CHST11: variants seen among roughly 807,000 people sequenced by gnomAD.
The protein encoded by CHST11 is C4S-1.
CHST11 carries 9 observed loss-of-function variants against 30.4 expected under a neutral mutation model. The observed-to-expected ratio is 0.30, with a 90% CI of 0.18 to 0.52. The LOEUF (loss-of-function observed/expected upper bound fraction) is 0.52, where lower values mean the gene tolerates loss of function less well. Among genes scored for constraint, CHST11 ranks in the 20% least tolerant of loss-of-function variants. The probability of loss-of-function intolerance (pLI) is 0.97; values close to 1 mark genes in which losing one functional copy is unlikely to be tolerated. For missense variants in CHST11, 348 were observed against 460.6 expected, an observed-to-expected ratio of 0.76 and a Z score of 2.24; for synonymous variants, 152 against 187.8, an observed-to-expected ratio of 0.81 and a Z score of 1.56.
intron 1 of CHST11, among the ~76,000 whole-genome samples, chr12:104,598,806 G>A (rs1352520133): frequency 2.6e-5 from 4 of 151,026 alleles, no homozygotes; most frequent in Non-Finnish European, 5.9e-5. Context: ...GAGAGATAAA[G>A]TGCTGGCCCA....
chr12:104,491,611 GGTT>G (rs1164314382), intron 1 of CHST11, among the ~76,000 whole-genome samples: 1 of 151,940 alleles, frequency 6.6e-6, no homozygotes, highest in Non-Finnish European at 1.5e-5. Flanking sequence ...TAGGACTACA[GGTT>G]TGTGCCACCA....
At chr12:104,697,163 G>T (rs112463110) in intron 2 of CHST11, among the ~76,000 whole-genome samples, 2 of 152,304 alleles carry the variant, frequency 1.3e-5, no homozygotes, top group African/African-American at 4.8e-5. Context: ...AGCAGTGGAT[G>T]GGGACCCCGA....
intron 2 of CHST11, among the ~76,000 whole-genome samples, chr12:104,734,750 TGA>T (rs1333061399): frequency 2.6e-5 from 4 of 152,112 alleles, no homozygotes; most frequent in Non-Finnish European, 5.9e-5. Flanking sequence ...GGAGGATTTG[TGA>T]GAACTGGCGC....
intron 1 of CHST11, among the ~76,000 whole-genome samples, chr12:104,495,042 T>G (rs968121071): frequency 3.3e-5 from 5 of 152,196 alleles, no homozygotes; most frequent in African/African-American, 1.2e-4. Flanking sequence ...TTTGATAACT[T>G]GAGACACTTC....
chr12:104,567,384 G>A (rs2038578759), intron 1 of CHST11, among the ~76,000 whole-genome samples: 1 of 152,194 alleles, frequency 6.6e-6, no homozygotes, highest in South Asian at 2.1e-4. Context: ...ACATTTGTTT[G>A]AAATGATTAG....
intron 2 of CHST11, among the ~76,000 whole-genome samples, chr12:104,665,340 G>C (rs1454352583): frequency 2.6e-5 from 4 of 152,214 alleles, no homozygotes; most frequent in African/African-American, 7.2e-5. Context: ...GCAAGGAGCA[G>C]CATGGAAGAA....
At chr12:104,620,630 A>ATTTG (rs1040280362) in intron 2 of CHST11, among the ~76,000 whole-genome samples, 94 of 152,170 alleles carry the variant, frequency 6.2e-4, no homozygotes, top group African/African-American at 1.9e-3. Context: ...TTATTTATTT[A>ATTTG]TTTGTTTGTT....
intron 2 of CHST11, among the ~76,000 whole-genome samples, chr12:104,646,732 C>T (rs1426317498): frequency 6.6e-6 from 1 of 152,186 alleles, no homozygotes; most frequent in Non-Finnish European, 1.5e-5. Flanking sequence ...TCCTTTGCAC[C>T]CCTCTCCCGT....
intron 2 of CHST11, among the ~76,000 whole-genome samples, chr12:104,671,609 G>A (rs566904329): frequency 4.6e-5 from 7 of 152,264 alleles, no homozygotes; most frequent in African/African-American, 1.2e-4. Context: ...CCTAGAGAAC[G>A]CCTACAGTGT....
At chr12:104,522,281 C>A (rs942522885) in intron 1 of CHST11, among the ~76,000 whole-genome samples, 2 of 152,200 alleles carry the variant, frequency 1.3e-5, no homozygotes, top group African/African-American at 4.8e-5. Context: ...GTATATCTCA[C>A]TGAGCCGTGT....
chr12:104,521,996 G>A (rs151288944), intron 1 of CHST11, among the ~76,000 whole-genome samples: 76 of 152,202 alleles, frequency 5.0e-4, no homozygotes, highest in African/African-American at 1.7e-3. Flanking sequence ...CTCTGTGCCC[G>A]GAAAATTCGA....
intron 2 of CHST11, among the ~76,000 whole-genome samples, chr12:104,623,598 T>C (rs1208680112): frequency 1.3e-5 from 2 of 152,028 alleles, no homozygotes; most frequent in Non-Finnish European, 2.9e-5. Context: ...TAATCCCAGC[T>C]ACTCGGGAGG....
At chr12:104,539,186 A>C (rs1003283900) in intron 1 of CHST11, among the ~76,000 whole-genome samples, 2 of 152,164 alleles carry the variant, frequency 1.3e-5, no homozygotes, top group Admixed American at 1.3e-4. Flanking sequence ...CTGTGATAGC[A>C]CAGAGTCCAG....
At chr12:104,647,054 A>G (rs1009217658) in intron 2 of CHST11, among the ~76,000 whole-genome samples, 2 of 152,258 alleles carry the variant, frequency 1.3e-5, no homozygotes, top group African/African-American at 4.8e-5. Context: ...GAGCATTGCC[A>G]GCCAATAGAC....
chr12:104,682,080 G>C (rs980368641), intron 2 of CHST11, among the ~76,000 whole-genome samples: 6 of 152,064 alleles, frequency 3.9e-5, no homozygotes, highest in Admixed American at 3.3e-4. Flanking sequence ...TGTTCCACCT[G>C]CCTCGGCCTC....
At chr12:104,665,265 A>G (rs974097545) in intron 2 of CHST11, among the ~76,000 whole-genome samples, 1 of 152,250 alleles carries the variant, frequency 6.6e-6, no homozygotes, top group Admixed American at 6.5e-5. Flanking sequence ...TTTTACATCT[A>G]TAAAAGGCCA....
intron 1 of CHST11, among the ~76,000 whole-genome samples, chr12:104,501,457 C>G (rs748777414): frequency 6.6e-6 from 1 of 152,178 alleles, no homozygotes; most frequent in Non-Finnish European, 1.5e-5. Context: ...TACTTTTTCT[C>G]CCTCTTAGGA....
chr12:104,672,214 G>C (rs777290293), intron 2 of CHST11, among the ~76,000 whole-genome samples: 4 of 151,134 alleles, frequency 2.6e-5, no homozygotes, highest in African/African-American at 4.9e-5. Context: ...GCCTGCACAG[G>C]GGGGTGGACC....
At chr12:104,560,803 C>T (rs956886) in intron 1 of CHST11, among the ~76,000 whole-genome samples, 56,080 of 151,972 alleles carry the variant, frequency 0.37, 11,111 homozygotes, top group East Asian at 0.79. Context: ...CTGTGAGCTC[C>T]TTGAGTATGG....
Sources: gnomAD v4.1 joint callset for allele counts (sites outside exome capture counted in the v4.1 genomes callset) on GRCh38, gnomAD v4.1.1 for gene constraint, MANE v1.5 for transcripts, NCBI Gene and HGNC (gene_info 2026-07-23, HGNC 2026-07-21) for gene names.